TENM3: variants seen among roughly 807,000 people sequenced by gnomAD.
TENM3 encodes teneurin transmembrane protein 3.
A neutral mutation model predicts 255.1 loss-of-function variants in TENM3; 63 were observed. That is an observed-to-expected ratio of 0.25 (90% CI 0.20 to 0.30). The LOEUF (loss-of-function observed/expected upper bound fraction) is 0.30. TENM3 is among the 10% of genes least tolerant of loss of function. TENM3 has a pLI of 1.00. For missense variants in TENM3, 2,929 were observed against 3,461.1 expected (o/e 0.85, Z 3.86); for synonymous variants, 1,306 against 1,322.3 (o/e 0.99, Z 0.27).
rs147405849 is a variant in TENM3 at position 182,383,053 on chromosome 4, T to C, written c.511+36124T>C. Among the ~76,000 whole-genome samples the C allele has an allele frequency of 3.4e-4, 52 of 152,224 alleles. 1 individual carries two copies. Among genetic ancestry groups the C allele is most frequent in the African/African-American group, 1.2e-3 (48 of 41,534 alleles). On this transcript the variant is annotated intron_variant, in intron 3 of 27. Coordinates refer to ENST00000511685, the MANE Select transcript of TENM3 (RefSeq NM_001080477.4). ...ATTGTTGCAACTGGTGTCAATTCTG[T>C]TGCAATAGGGGAGAGACATCAGGCT...
At chr4:181,812,034 GGAGTT>G in the TENM3 span, among the ~76,000 whole-genome samples, 2 of 152,152 alleles carry the variant, frequency 1.3e-5, no homozygotes, top group Non-Finnish European at 2.9e-5. Context: ...GTATCTGGCT[GGAGTT>G]AACACATTTT....
At chr4:182,331,852 A>G (rs1763778377) in intron 2 of TENM3, among the ~76,000 whole-genome samples, 1 of 152,214 alleles carries the variant, frequency 6.6e-6, no homozygotes, top group Non-Finnish European at 1.5e-5. Context: ...TAGTAGCTAA[A>G]TTTATAAGCA....
chr4:182,749,521 TAGTG>T (rs1173048074), intron 19 of TENM3, among the ~76,000 whole-genome samples: 1 of 152,220 alleles, frequency 6.6e-6, no homozygotes, highest in African/African-American at 2.4e-5. Flanking sequence ...GGTTAATTCT[TAGTG>T]AGTATGTAGT....
the TENM3 span, among the ~76,000 whole-genome samples, chr4:181,938,203 C>T: frequency 9.2e-5 from 14 of 152,232 alleles, no homozygotes; most frequent in South Asian, 2.7e-3. Flanking sequence ...CCTTAGCTGT[C>T]ATGTTATCAG....
intron 3 of TENM3, among the ~76,000 whole-genome samples, chr4:182,567,394 G>A (rs544343505): frequency 1.6e-4 from 24 of 152,198 alleles, no homozygotes; most frequent in African/African-American, 5.1e-4. Flanking sequence ...CTCAACATAG[G>A]CCAGAGCAAA....
the TENM3 span, among the ~76,000 whole-genome samples, chr4:181,955,143 A>T: frequency 6.6e-6 from 1 of 152,246 alleles, no homozygotes; most frequent in Non-Finnish European, 1.5e-5. Context: ...GGTTTCTTGT[A>T]GGTTAAACTC....
the TENM3 span, among the ~76,000 whole-genome samples, chr4:181,657,062 G>A: frequency 3.3e-5 from 5 of 152,348 alleles, no homozygotes; most frequent in South Asian, 4.1e-4. Context: ...GCCTGTGCGC[G>A]TAGTAAAAAG....
rs766092012 is a variant in TENM3, at chr4:182,681,961, A to G, written c.1982A>G (p.Glu661Gly). The change falls in exon 11 of 28, where the codon GAA (glutamate) becomes GGA (glycine). Residue 661 changes from glutamate (E) to glycine (G), a missense_variant. Physicochemically the swap from Glu to Gly is moderately conservative, Grantham distance 98. Around this residue, in one of 6 missense-constraint regions of TENM3, gnomAD observed 1,608 missense variants for 1,884.4 expected, o/e 0.85. Transcript: ENST00000511685. Reference protein sequence around the residue: ...QCSGHGTYLQESGSCTCDPNW... With the variant: ...QCSGHGTYLQGSGSCTCDPNW... ...TCCGGCCACGGAACGTATCTTCAAG[A>G]AAGTGGCTCCTGCACGTGTGACCCT... The G allele has an allele frequency of 5.0e-6, 8 of 1,613,886 alleles. No individual in the cohort carries two copies. In the East Asian group the frequency reaches 1.6e-4, roughly 31 times the overall value.
intron 1 of TENM3, among the ~76,000 whole-genome samples, chr4:182,303,392 TG>T (rs1161618329): frequency 6.6e-6 from 1 of 152,214 alleles, no homozygotes; most frequent in South Asian, 2.1e-4. Flanking sequence ...AAAGTCCCAC[TG>T]AACCATATTA....
chr4:182,538,834 T>A (rs1212679947), intron 3 of TENM3, among the ~76,000 whole-genome samples: 1 of 152,038 alleles, frequency 6.6e-6, no homozygotes, highest in Non-Finnish European at 1.5e-5. Flanking sequence ...GGATGGCTGG[T>A]GGTACCATTT....
intron 7 of TENM3, 82 bp from the exon 8 acceptor site, chr4:182,679,584 A>G: frequency 1.8e-6 from 2 of 1,098,594 alleles, no homozygotes; most frequent in Non-Finnish European, 2.6e-6. Flanking sequence ...AGAGCAAAGG[A>G]AGACAGATTG....
At chr4:181,584,384 A>G in the TENM3 span, among the ~76,000 whole-genome samples, 1 of 152,264 alleles carries the variant, frequency 6.6e-6, no homozygotes, top group Non-Finnish European at 1.5e-5. Context: ...CTCTTACCTA[A>G]CTGTCCAGAG....
the TENM3 span, among the ~76,000 whole-genome samples, chr4:182,091,385 T>C: frequency 2.0e-5 from 3 of 152,180 alleles, no homozygotes; most frequent in African/African-American, 7.2e-5. Context: ...GACGTAAATA[T>C]CAGCGATCAC....
the TENM3 span, among the ~76,000 whole-genome samples, chr4:181,605,422 C>T: frequency 6.9e-6 from 1 of 144,362 alleles, no homozygotes; most frequent in African/African-American, 2.6e-5. Flanking sequence ...CCAGCCTGGG[C>T]AACAAAGCGA....
At chr4:182,336,687 T>TA (rs968638611) in intron 2 of TENM3, among the ~76,000 whole-genome samples, 1 of 152,188 alleles carries the variant, frequency 6.6e-6, no homozygotes, top group Non-Finnish European at 1.5e-5. Context: ...GAACTTCAGA[T>TA]ATGGTGTTTA....
At chr4:182,546,166 A>C (rs1741426694) in intron 3 of TENM3, among the ~76,000 whole-genome samples, 1 of 152,288 alleles carries the variant, frequency 6.6e-6, no homozygotes, top group Non-Finnish European at 1.5e-5. Flanking sequence ...AGGAGAGGGA[A>C]CAGGAAGGGT....
chr4:182,221,774 C>T (rs896025), intron 1 of TENM3, among the ~76,000 whole-genome samples: 50,494 of 152,020 alleles, frequency 0.33, 8,803 homozygotes, highest in South Asian at 0.43. Context: ...GTCATATAGA[C>T]CCAATCTACA....
At chr4:181,696,995 G>GTTGT in the TENM3 span, among the ~76,000 whole-genome samples, 1 of 152,212 alleles carries the variant, frequency 6.6e-6, no homozygotes, top group South Asian at 2.1e-4. Context: ...TCTTGTTGTT[G>GTTGT]TTGTTACAAA....
intron 22 of TENM3, among the ~76,000 whole-genome samples, chr4:182,756,843 C>T (rs548029038): frequency 9.9e-5 from 15 of 152,230 alleles, no homozygotes; most frequent in Admixed American, 3.3e-4. Flanking sequence ...TCTTAGCATT[C>T]CTTTTGCTCA....
Sources: allele counts gnomAD v4.1 joint callset (sites outside exome capture counted in the v4.1 genomes callset), GRCh38; gene constraint gnomAD v4.1.1; regional missense constraint gnomAD v4.1.1; transcripts MANE v1.5; gene names NCBI Gene and HGNC (gene_info 2026-07-23, HGNC 2026-07-21).